The following PSD3 variants were observed in gnomAD, a reference collection of about 807,000 sequenced individuals.
The protein encoded by PSD3 is PH and SEC7 domain-containing protein 3.
In PSD3, 49 loss-of-function variants were observed where a neutral mutation model predicts 105.5. That is an observed-to-expected ratio of 0.46 (90% confidence interval 0.37 to 0.59). The LOEUF is 0.59. Ranked by LOEUF, PSD3 falls within the 20% of genes least tolerant of loss-of-function variation. The pLI, the probability that PSD3 is intolerant of heterozygous loss-of-function variation, is 0.00. For synonymous variants in PSD3, 557 were observed against 457.8 expected (o/e 1.22, Z -2.77); for missense variants, 1,561 against 1,263.8 (o/e 1.24, Z -3.57).
At chr8:18,679,692 T>C (rs1800273205) in intron 9 of PSD3, among the ~76,000 whole-genome samples, 1 of 152,166 alleles carries the variant, frequency 6.6e-6, no homozygotes, top group South Asian at 2.1e-4. Context: ...CATTGCTACT[T>C]AGAAAGCAAA....
chr8:19,072,537 C>T (rs1829305385), intron 1 of PSD3, among the ~76,000 whole-genome samples: 1 of 152,120 alleles, frequency 6.6e-6, no homozygotes, highest in African/African-American at 2.4e-5. Flanking sequence ...TACATTTCGT[C>T]TTTCTATTTC....
intron 1 of PSD3, among the ~76,000 whole-genome samples, chr8:18,960,355 T>C (rs1823839860): frequency 6.6e-6 from 1 of 152,174 alleles, no homozygotes; most frequent in South Asian, 2.1e-4. Flanking sequence ...CATGTCTGAT[T>C]AGAATACAAG....
intron 1 of PSD3, among the ~76,000 whole-genome samples, chr8:18,993,369 A>G (rs1027823419): frequency 1.6e-4 from 24 of 152,132 alleles, no homozygotes; most frequent in African/African-American, 5.8e-4. Flanking sequence ...TAAATGTGAC[A>G]CCCAGAATCC....
chr8:18,842,497 T>G (rs1014461400), intron 4 of PSD3, among the ~76,000 whole-genome samples: 7 of 151,642 alleles, frequency 4.6e-5, no homozygotes, highest in Non-Finnish European at 1.0e-4. Flanking sequence ...ACTCGGGGAG[T>G]CCGAGGCGGG....
chr8:18,764,900 G>A (rs1806846884), intron 9 of PSD3, among the ~76,000 whole-genome samples: 1 of 152,158 alleles, frequency 6.6e-6, no homozygotes, highest in South Asian at 2.1e-4. Context: ...GAATTCCAAA[G>A]TTGATTTTGT....
At chr8:18,962,703 T>C (rs1254015829) in intron 1 of PSD3, among the ~76,000 whole-genome samples, 1 of 152,226 alleles carries the variant, frequency 6.6e-6, no homozygotes, top group African/African-American at 2.4e-5. Flanking sequence ...AGAGAGCTTT[T>C]GTTGTTTTAA....
intron 2 of PSD3, among the ~76,000 whole-genome samples, chr8:18,910,958 G>C (rs1031490914): frequency 6.7e-6 from 1 of 149,670 alleles, no homozygotes; most frequent in Non-Finnish European, 1.5e-5. Flanking sequence ...AAAAAAATAA[G>C]TTAGCCAGGC....
At position 18,936,153 on chromosome 8, in the gene PSD3, A is replaced by G. The variant is rs779401398; in HGVS notation, c.22-11T>C. 2.5e-6 allele frequency: 4 copies of G among 1,573,410 alleles called. No homozygotes were observed. The South Asian group carries it at 4.4e-5, about 17-fold the overall frequency. On this transcript the variant is annotated splice_polypyrimidine_tract_variant and intron_variant, in intron 1 of 15. Transcript: ENST00000327040. ...AACAAATGTCTCTGCCTGCAAAATA[A>G]GAACAAAACAAAGACACATTTAAAA...
intron 8 of PSD3, among the ~76,000 whole-genome samples, chr8:18,769,111 C>G (rs1807272456): frequency 6.6e-6 from 1 of 152,116 alleles, no homozygotes; most frequent in Non-Finnish European, 1.5e-5. Context: ...AAAAATAACA[C>G]ATACAATGAA....
At chr8:18,975,818 C>T (rs1824913156) in intron 1 of PSD3, among the ~76,000 whole-genome samples, 1 of 151,834 alleles carries the variant, frequency 6.6e-6, no homozygotes, top group African/African-American at 2.4e-5. Flanking sequence ...TCAATGCTAA[C>T]TCATAAAAAA....
At chr8:18,653,728 C>T (rs1182098713) in intron 10 of PSD3, among the ~76,000 whole-genome samples, 1 of 151,716 alleles carries the variant, frequency 6.6e-6, no homozygotes, top group Non-Finnish European at 1.5e-5. Context: ...CAAACTCCGA[C>T]TACCTATAAA....
At chr8:18,725,640 G>C (rs989000685) in intron 9 of PSD3, among the ~76,000 whole-genome samples, 1 of 152,138 alleles carries the variant, frequency 6.6e-6, no homozygotes, top group Non-Finnish European at 1.5e-5. Context: ...GGAAGAAGAA[G>C]ACCCACTGAA....
chr8:19,027,904 T>C (rs953261858), intron 1 of PSD3, among the ~76,000 whole-genome samples: 4 of 152,240 alleles, frequency 2.6e-5, no homozygotes, highest in Non-Finnish European at 5.9e-5. Flanking sequence ...TGAACATCTA[T>C]GTTTAATTTT....
intron 15 of PSD3, among the ~76,000 whole-genome samples, chr8:18,549,486 G>A (rs1368815235): frequency 6.6e-6 from 1 of 152,192 alleles, no homozygotes; most frequent in African/African-American, 2.4e-5. Flanking sequence ...GGGATTACCA[G>A]GCATGAGCCA....
At chr8:18,819,575 A>ATGTTTTT (rs1812511496) in intron 4 of PSD3, among the ~76,000 whole-genome samples, 1 of 111,320 alleles carries the variant, frequency 9.0e-6, no homozygotes, top group African/African-American at 3.5e-5. Context: ...ATTAGAATGG[A>ATGTTTTT]TTTTTTTTTT....
At chr8:18,941,820 G>A (rs1019428274) in intron 1 of PSD3, among the ~76,000 whole-genome samples, 6 of 150,092 alleles carry the variant, frequency 4.0e-5, no homozygotes, top group African/African-American at 7.4e-5. Flanking sequence ...TTACAAGCAC[G>A]CATCACCATG....
At chr8:18,612,956 G>A (rs915398542) in intron 11 of PSD3, among the ~76,000 whole-genome samples, 2 of 152,100 alleles carry the variant, frequency 1.3e-5, no homozygotes, top group African/African-American at 2.4e-5. Context: ...GGTTTCACTG[G>A]CAGCCATTAC....
chr8:18,663,954 T>C (rs1296979977), intron 9 of PSD3, among the ~76,000 whole-genome samples: 1 of 152,214 alleles, frequency 6.6e-6, no homozygotes, highest in Non-Finnish European at 1.5e-5. Flanking sequence ...TTATATTTGC[T>C]ATGGTAATCA....
intron 1 of PSD3, among the ~76,000 whole-genome samples, chr8:19,069,366 A>T (rs947728172): frequency 6.6e-6 from 1 of 152,078 alleles, no homozygotes; most frequent in Non-Finnish European, 1.5e-5. Flanking sequence ...CATTCTTCCA[A>T]TGGGGGAAGG....
Sources: gnomAD v4.1 joint callset for allele counts (sites outside exome capture counted in the v4.1 genomes callset) on GRCh38, gnomAD v4.1.1 for gene constraint, MANE v1.5 for transcripts, NCBI Gene and HGNC (gene_info 2026-07-23, HGNC 2026-07-21) for gene names.